Variants in OSBPL8 observed in about 807,000 individuals in gnomAD.
OSBPL8 encodes oxysterol binding protein like 8, also known as oxysterol-binding protein-related protein 8.
Under a neutral mutation model 125.5 loss-of-function variants are expected in OSBPL8, and 59 were observed. The observed-to-expected ratio is 0.47, with a 90% CI of 0.38 to 0.58. The LOEUF (loss-of-function observed/expected upper bound fraction) is 0.58. Among genes scored for constraint, OSBPL8 ranks in the 20% least tolerant of loss-of-function variants. The probability of loss-of-function intolerance (pLI) is 0.00; values close to 1 mark genes in which losing one functional copy is unlikely to be tolerated. For missense variants in OSBPL8, 758 were observed against 1,047.8 expected (o/e 0.72, Z 3.82); for synonymous variants, 330 against 338.9 (o/e 0.97, Z 0.29).
At chr12:76,435,118 G>A (rs1871288832) in intron 4 of OSBPL8, among the ~76,000 whole-genome samples, 2 of 151,868 alleles carry the variant, frequency 1.3e-5, no homozygotes, top group South Asian at 2.1e-4. Context: ...GTCCACTGCA[G>A]AGAATGGATA....
chr12:76,371,354 A>G lies in OSBPL8; in HGVS notation c.2054+94T>C. 3.7e-6 allele frequency: 5 copies of G among 1,334,140 alleles called. No homozygotes were observed. The South Asian group carries it at 8.0e-5, about 21-fold the overall frequency. The allele number at this position is 1,334,140 out of a possible 1,614,324, so 82.6% of individuals were successfully genotyped here. A position where few individuals can be genotyped will look rare whatever the true frequency, so the allele number is the denominator to read the frequency against. On this transcript the variant is annotated intron_variant, in intron 19 of 23. Transcript: ENST00000261183. ...TGATAAACTATTTTGCTGAATTAAG[A>G]TATGACAGAAGGTGACAAAATGACC...
chr12:76,386,494 T>C, intron 13 of OSBPL8, 85 bp downstream of exon 13: 1 of 1,356,738 alleles, frequency 7.4e-7, no homozygotes, highest in Non-Finnish European at 1.0e-6. Flanking sequence ...GTAATGTAAC[T>C]GTTAACACAC....
intron 1 of OSBPL8, among the ~76,000 whole-genome samples, chr12:76,521,392 C>T (rs905275269): frequency 2.6e-5 from 4 of 152,092 alleles, no homozygotes; most frequent in East Asian, 1.9e-4. Flanking sequence ...AACAGTATGA[C>T]GGTTCCTCAA....
At chr12:76,484,825 C>T (rs1009130780) in intron 2 of OSBPL8, among the ~76,000 whole-genome samples, 5 of 152,298 alleles carry the variant, frequency 3.3e-5, no homozygotes, top group Middle Eastern at 3.4e-3. Context: ...GTAGTTTACA[C>T]TGAAATTATT....
chr12:76,377,095 G>A (rs1033854225), intron 16 of OSBPL8, among the ~76,000 whole-genome samples: 4 of 152,128 alleles, frequency 2.6e-5, no homozygotes, highest in Non-Finnish European at 5.9e-5. Context: ...TCCCTGCAAA[G>A]GACATAAACT....
chr12:76,418,889 G>T (rs1474630273), intron 4 of OSBPL8, among the ~76,000 whole-genome samples: 2 of 151,890 alleles, frequency 1.3e-5, no homozygotes, highest in Admixed American at 6.6e-5. Context: ...TAGATTGACA[G>T]ATGGCAATCC....
chr12:76,499,931 T>C (rs1879727482), intron 1 of OSBPL8, among the ~76,000 whole-genome samples: 1 of 152,146 alleles, frequency 6.6e-6, no homozygotes, highest in Non-Finnish European at 1.5e-5. Context: ...TAAGGCCCTT[T>C]TCTGTTCTAG....
At chr12:76,482,180 ATT>A (rs1471047285) in intron 2 of OSBPL8, among the ~76,000 whole-genome samples, 1 of 152,246 alleles carries the variant, frequency 6.6e-6, no homozygotes, top group African/African-American at 2.4e-5. Flanking sequence ...ATTCATACAT[ATT>A]TTTTAAATTG....
At chr12:76,519,263 T>C (rs1881842544) in intron 1 of OSBPL8, among the ~76,000 whole-genome samples, 2 of 152,210 alleles carry the variant, frequency 1.3e-5, no homozygotes, top group Admixed American at 6.5e-5. Context: ...TTGGACACAA[T>C]GCAGCCAGGC....
At chr12:76,505,533 A>G (rs2137144304) in intron 1 of OSBPL8, among the ~76,000 whole-genome samples, 1 of 152,240 alleles carries the variant, frequency 6.6e-6, no homozygotes, top group South Asian at 2.1e-4. Context: ...TACTAGAATA[A>G]AAAATAGGAA....
chr12:76,457,047 T>C (rs1313798353), intron 3 of OSBPL8, among the ~76,000 whole-genome samples: 2 of 152,200 alleles, frequency 1.3e-5, no homozygotes, highest in Non-Finnish European at 2.9e-5. Flanking sequence ...TTTACAATAT[T>C]GCACGAAACA....
chr12:76,385,696 A>G (rs1269212152), intron 14 of OSBPL8, among the ~76,000 whole-genome samples: 1 of 152,134 alleles, frequency 6.6e-6, no homozygotes, highest in Non-Finnish European at 1.5e-5. Context: ...ATTAAATTTA[A>G]AAATGAGGAA....
At chr12:76,448,209 G>A (rs1021785647) in intron 4 of OSBPL8, among the ~76,000 whole-genome samples, 3 of 152,018 alleles carry the variant, frequency 2.0e-5, no homozygotes, top group African/African-American at 7.3e-5. Flanking sequence ...AAAACAAAAG[G>A]TTAATAACTC....
At chr12:76,389,603 T>C in intron 12 of OSBPL8, 42 bp downstream of exon 12, 1 of 1,394,926 alleles carries the variant, frequency 7.2e-7, no homozygotes, top group East Asian at 2.4e-5. Context: ...ATTTCTAAAA[T>C]CATGAAGTAT....
At chr12:76,384,579 T>C (rs1953218076) in intron 14 of OSBPL8, among the ~76,000 whole-genome samples, 1 of 152,146 alleles carries the variant, frequency 6.6e-6, no homozygotes, top group South Asian at 2.1e-4. Context: ...CCTCTTATAT[T>C]GTACTGAAGT....
intron 2 of OSBPL8, among the ~76,000 whole-genome samples, chr12:76,484,110 C>G (rs1158452025): frequency 6.6e-6 from 1 of 152,224 alleles, no homozygotes; most frequent in Non-Finnish European, 1.5e-5. Flanking sequence ...CACTCAAAGC[C>G]TTCCATAAAT....
In OSBPL8 at chr12:76,369,311, T is replaced by TAAA; in HGVS notation, c.2241-11_2241-10insTTT. Reference sequence around the variant, plus strand: ...GTCCCATGGTCGGGTACTACATAAATGAAAAAAAAAAAAACCATTTGCTCA... The same window carrying TAAA: ...GTCCCATGGTCGGGTACTACATAAATAAAGAAAAAAAAAAAAACCATTTGCTCA... On this transcript the variant is annotated splice_polypyrimidine_tract_variant and intron_variant, in intron 20 of 23. Coordinates refer to ENST00000261183, the MANE Select transcript of OSBPL8 (RefSeq NM_020841.5). 1.3e-6 allele frequency: 2 copies of TAAA among 1,485,394 alleles called. No individual in the cohort carries two copies. Among genetic ancestry groups the TAAA allele is most frequent in the South Asian group, 1.3e-5 (1 of 75,294 alleles). The allele number at this position is 1,485,394 out of a possible 1,614,324, so 92.0% of individuals were successfully genotyped here. A position where few individuals can be genotyped will look rare whatever the true frequency, so the allele number is the denominator to read the frequency against.
chr12:76,393,471 G>A (rs1953649963), intron 9 of OSBPL8, among the ~76,000 whole-genome samples: 1 of 152,026 alleles, frequency 6.6e-6, no homozygotes, highest in Non-Finnish European at 1.5e-5. Flanking sequence ...AGCACTTTGG[G>A]AGGCCGAGGC....
Position 76,386,639 on chromosome 12 carries a change from A to C in OSBPL8, c.1374T>G (p.Pro458=), listed in dbSNP as rs1953325591. The part of the protein sequence containing the change: ...FLSEAALEEN[P]YFRLKKVVKW... ...TCACTACTTTCTTCAAACGGAAATA[A>C]GGATTTTCTTCAAGAGCTGCCCTAA... The change falls in exon 13 of 24, where the codon CCT becomes CCG. Residue 458 remains proline (P), a synonymous_variant. Coordinates refer to ENST00000261183, the MANE Select transcript of OSBPL8 (RefSeq NM_020841.5). 6.2e-7 allele frequency: 1 copy of C among 1,606,888 alleles called. No individual in the cohort carries two copies. The highest frequency in any genetic ancestry group is 8.5e-7 in the Non-Finnish European group (1 of 1,176,336).
Sources: gnomAD v4.1 joint callset for allele counts (sites outside exome capture counted in the v4.1 genomes callset) on GRCh38, gnomAD v4.1.1 for gene constraint, MANE v1.5 for transcripts, NCBI Gene and HGNC (gene_info 2026-07-23, HGNC 2026-07-21) for gene names.